Variants in NRP2 observed in about 807,000 individuals in gnomAD.
The protein encoded by NRP2 is neuropilin 2, also known as neuropilin-2.
NRP2 carries 52 observed loss-of-function variants against 110.4 expected under a neutral mutation model. The observed-to-expected ratio is 0.47, with a 90% CI of 0.38 to 0.59. NRP2 has a LOEUF of 0.59. Among genes scored for constraint, NRP2 ranks in the 20% least tolerant of loss-of-function variants. The pLI, the probability that NRP2 is intolerant of heterozygous loss-of-function variation, is 0.00. For synonymous variants in NRP2, 508 were observed against 468.9 expected, an observed-to-expected ratio of 1.08 and a Z score of -1.08; for missense variants, 1,049 against 1,203.0, an observed-to-expected ratio of 0.87 and a Z score of 1.89.
At chr2:205,695,275 G>GAT (rs1013097307) in intron 1 of NRP2, among the ~76,000 whole-genome samples, 4 of 152,198 alleles carry the variant, frequency 2.6e-5, no homozygotes, top group African/African-American at 7.2e-5. Context: ...TCAGCTATGG[G>GAT]ATATATATAT....
intron 10 of NRP2, 98 bp downstream of exon 10, chr2:205,745,988 C>A: frequency 7.1e-7 from 1 of 1,406,878 alleles, no homozygotes; most frequent in Non-Finnish European, 1.0e-6. Context: ...GGGCAGCCAT[C>A]CCAGGAGCTG....
At chr2:205,752,587 A>G (rs2105896103) in intron 11 of NRP2, 1 of 513,604 alleles carries the variant, frequency 1.9e-6, no homozygotes, top group Non-Finnish European at 3.5e-6. Flanking sequence ...GCCATTTGGT[A>G]GCCTCATTCA....
chr2:205,791,226 G>A (rs972065059), intron 15 of NRP2, among the ~76,000 whole-genome samples: 1 of 152,044 alleles, frequency 6.6e-6, no homozygotes, highest in Non-Finnish European at 1.5e-5. Flanking sequence ...TTTCTTTTAA[G>A]CCTTGATTTT....
chr2:205,782,073 A>ATT (rs3047684), intron 15 of NRP2, among the ~76,000 whole-genome samples: 57,054 of 151,742 alleles, frequency 0.38, 11,615 homozygotes, highest in South Asian at 0.66. Flanking sequence ...GCAAAACCTT[A>ATT]TTTAGCATGG....
chr2:205,728,125 C>G, intron 7 of NRP2, 79 bp downstream of exon 7: 1 of 1,536,252 alleles, frequency 6.5e-7, no homozygotes, highest in Non-Finnish European at 9.0e-7. Context: ...AAGCCGACCT[C>G]CTACAGGAGA....
intron 3 of NRP2, among the ~76,000 whole-genome samples, chr2:205,720,902 T>C (rs1026712942): frequency 6.6e-6 from 1 of 152,208 alleles, no homozygotes; most frequent in Non-Finnish European, 1.5e-5. Flanking sequence ...GATTCGCTGC[T>C]TAGAGCCTCC....
rs368151914 is a variant in NRP2, at chr2:205,683,294, G to A, written c.4G>A (p.Asp2Asn). Residue 2 changes from aspartate to asparagine, a missense_variant, in exon 1 of 17, where the codon GAT becomes AAT. Asp to Asn is a conservative substitution (Grantham distance 23). Coordinates refer to ENST00000357785, the MANE Select transcript of NRP2 (RefSeq NM_003872.3). ...GGAAAGAGCCACCTTCTCCAAAATG[G>A]ATATGTTTCCTCTCACCTGGGTTTT... The part of the protein sequence containing the change: M[D>N]MFPLTWVFLA... The A allele has an allele frequency of 2.5e-6, 4 of 1,612,914 alleles. No homozygotes were observed. In the African/African-American group the frequency reaches 4.0e-5, roughly 16 times the overall value.
rs190400686 is a variant in NRP2, at chr2:205,696,346, G to A, written c.74-1198G>A. On this transcript the variant is annotated intron_variant, in intron 1 of 16. Coordinates refer to ENST00000357785, the MANE Select transcript of NRP2 (RefSeq NM_003872.3). ...CATCCTGGAGGGCGGCTGCTGAGTC[G>A]TAATACATAATTCACGGGCCCATGC... is the stretch of plus-strand genomic sequence containing the variant. Among the ~76,000 whole-genome samples, 301 of 152,288 alleles carry A rather than the reference G, an allele frequency of 2.0e-3. 2 individuals are homozygous for A. The highest frequency in any genetic ancestry group is 6.6e-3 in the African/African-American group (275 of 41,564).
At chr2:205,784,429 A>G (rs2058213416) in intron 15 of NRP2, among the ~76,000 whole-genome samples, 1 of 152,190 alleles carries the variant, frequency 6.6e-6, no homozygotes, top group African/African-American at 2.4e-5. Flanking sequence ...GGGCCTCCCC[A>G]TGGCTTCTCT....
chr2:205,713,243 T>A (rs1457250683), intron 2 of NRP2, among the ~76,000 whole-genome samples: 2 of 152,216 alleles, frequency 1.3e-5, no homozygotes, highest in Non-Finnish European at 2.9e-5. Context: ...GGCCTCTCTT[T>A]GTCCTTCCTA....
chr2:205,796,710 T>C lies in NRP2; in HGVS notation c.*1652T>C, dbSNP rs2105982249. 1 of 152,710 alleles carries C rather than the reference T, an allele frequency of 6.5e-6. No homozygotes were observed. The highest frequency in any genetic ancestry group is 1.5e-5 in the Non-Finnish European group (1 of 68,022). The allele number at this position is 152,710 out of a possible 1,614,324, so 9.5% of individuals were successfully genotyped here. On this transcript the variant is annotated 3_prime_UTR_variant, in exon 17 of 17. Transcript: ENST00000357785. ...TCAAAGGGAGGCATCAGGAATAGAA[T>C]GAAACTGTGTGAAGGATAAGATTGT... is the stretch of plus-strand genomic sequence containing the variant.
At chr2:205,775,104 T>G (rs1285605513) in intron 15 of NRP2, among the ~76,000 whole-genome samples, 1 of 152,194 alleles carries the variant, frequency 6.6e-6, no homozygotes, top group Admixed American at 6.5e-5. Context: ...GATGCATCTT[T>G]CCGGCTTAAT....
intron 7 of NRP2, among the ~76,000 whole-genome samples, chr2:205,736,784 C>A (rs1421480504): frequency 6.6e-6 from 1 of 152,148 alleles, no homozygotes; most frequent in Non-Finnish European, 1.5e-5. Context: ...AATTTCCTGG[C>A]GTCATTTCCC....
Position 205,697,641 on chromosome 2 carries a change from G to T in NRP2, c.171G>T (p.Trp57Cys). The change falls in exon 2 of 17, where the codon TGG becomes TGT. Residue 57 changes from tryptophan to cysteine, a missense_variant. By Grantham distance (215) the Trp-to-Cys change is radical. Transcript: ENST00000357785. ...ACCCCTCCCACCAGAACTGCGAGTGGATTGTTTACGCCCCCGAACCCAACC... is the reference window on the plus strand; with the variant it reads ...ACCCCTCCCACCAGAACTGCGAGTGTATTGTTTACGCCCCCGAACCCAACC... ...QDYPSHQNCE[W>C]IVYAPEPNQK... 6.2e-7 allele frequency: 1 copy of T among 1,613,986 alleles called. No individual in the cohort carries two copies. The highest frequency in any genetic ancestry group is 8.5e-7 in the Non-Finnish European group (1 of 1,180,012).
rs1385251642 is a variant in NRP2 at position 205,796,645 on chromosome 2, C to T, written c.*1587C>T. 2 of 152,672 alleles carry T rather than the reference C, an allele frequency of 1.3e-5. No homozygotes were observed. The highest frequency in any genetic ancestry group is 1.9e-4 in the East Asian group (1 of 5,184). 9.5% of individuals were successfully genotyped at this position (152,672 alleles called of 1,614,324 possible). A position where few individuals can be genotyped will look rare whatever the true frequency, so the allele number is the denominator to read the frequency against. ...TATTAAAGGAATGAGTCCTGCTACC[C>T]GAGTGGTAGTCATAGCCCTAGATGA... On this transcript the variant is annotated 3_prime_UTR_variant, in exon 17 of 17. Transcript: ENST00000357785.
At chr2:205,778,529 G>A (rs1311896771) in intron 15 of NRP2, 1 of 152,216 alleles carries the variant, frequency 6.6e-6, no homozygotes, top group Non-Finnish European at 1.5e-5. Flanking sequence ...ACCATGTGAT[G>A]ACTAATATGC....
intron 12 of NRP2, chr2:205,762,239 A>G (rs2057835438): frequency 6.6e-6 from 1 of 152,224 alleles, no homozygotes; most frequent in South Asian, 2.1e-4. Context: ...ACTTCAGGGA[A>G]GCATAGCTTC....
intron 2 of NRP2, among the ~76,000 whole-genome samples, chr2:205,704,151 C>A (rs2056621939): frequency 1.3e-5 from 2 of 152,296 alleles, no homozygotes; most frequent in South Asian, 4.1e-4. Context: ...CCAGGTAACA[C>A]TTCAGATTAA....
At chr2:205,738,499 G>T (rs1014762682) in intron 7 of NRP2, among the ~76,000 whole-genome samples, 4 of 152,276 alleles carry the variant, frequency 2.6e-5, no homozygotes, top group South Asian at 4.2e-4. Context: ...CCTTTCCTGA[G>T]AGCTGTGGAG....
Sources: gnomAD v4.1 joint callset for allele counts (sites outside exome capture counted in the v4.1 genomes callset) on GRCh38, gnomAD v4.1.1 for gene constraint, MANE v1.5 for transcripts, NCBI Gene and HGNC (gene_info 2026-07-23, HGNC 2026-07-21) for gene names.